Variants in DOCK5 observed in about 807,000 individuals in gnomAD.
DOCK5 encodes the protein dedicator of cytokinesis 5, also known as dedicator of cytokinesis protein 5.
A neutral mutation model predicts 251.8 loss-of-function variants in DOCK5; 142 were observed. That is an observed-to-expected ratio of 0.56 (90% CI 0.49 to 0.65). The LOEUF (loss-of-function observed/expected upper bound fraction) is 0.65. Ranked by LOEUF, DOCK5 falls within the 30% of genes least tolerant of loss-of-function variation. DOCK5 has a pLI of 0.00. For missense variants in DOCK5, 2,111 were observed against 2,312.3 expected (o/e 0.91, Z 1.79); for synonymous variants, 842 against 835.5 (o/e 1.01, Z -0.13).
intron 1 of DOCK5, among the ~76,000 whole-genome samples, chr8:25,207,006 A>G (rs1802017128): frequency 6.6e-6 from 1 of 152,194 alleles, no homozygotes; most frequent in African/African-American, 2.4e-5. Context: ...GTCCAGGTCT[A>G]AAACATCCCT....
At chr8:25,243,791 A>C (rs1803023559) in intron 2 of DOCK5, 34 bp downstream of exon 2, 1 of 1,601,322 alleles carries the variant, frequency 6.2e-7, no homozygotes, top group African/African-American at 1.3e-5. Context: ...AGATGAGGGC[A>C]AGGGAAAAAC....
intron 25 of DOCK5, 120 bp downstream of exon 25, chr8:25,342,627 G>A (rs1805981827): frequency 3.7e-6 from 2 of 543,114 alleles, no homozygotes; most frequent in Admixed American, 3.1e-5. Flanking sequence ...GCTGCTGCAT[G>A]CTGAGATGAC....
At chr8:25,250,830 G>A (rs1803249551) in intron 2 of DOCK5, among the ~76,000 whole-genome samples, 1 of 152,222 alleles carries the variant, frequency 6.6e-6, no homozygotes, top group African/African-American at 2.4e-5. Context: ...GATGGAGAGG[G>A]AGACGGAAGA....
intron 2 of DOCK5, among the ~76,000 whole-genome samples, chr8:25,262,734 A>G (rs759861835): frequency 2.6e-5 from 4 of 152,060 alleles, no homozygotes; most frequent in Admixed American, 6.6e-5. Flanking sequence ...ATTTCTTACT[A>G]TGGAAGATAA....
intron 1 of DOCK5, among the ~76,000 whole-genome samples, chr8:25,212,265 TAAC>T (rs1802130811): frequency 2.8e-5 from 2 of 70,680 alleles, no homozygotes; most frequent in East Asian, 3.1e-4. Context: ...TAGTCTTAAT[TAAC>T]AAGAGGATCA....
chr8:25,324,817 C>T (rs1377875539), intron 17 of DOCK5, among the ~76,000 whole-genome samples: 9 of 143,050 alleles, frequency 6.3e-5, no homozygotes, highest in African/African-American at 2.1e-4. Context: ...CCACAACAGG[C>T]CCTGGTGTGT....
intron 34 of DOCK5, among the ~76,000 whole-genome samples, chr8:25,372,055 G>A (rs550852310): frequency 1.3e-5 from 2 of 152,332 alleles, no homozygotes; most frequent in Admixed American, 6.5e-5. Context: ...TGCAGGAGAT[G>A]TACTAGGTTC....
intron 31 of DOCK5, among the ~76,000 whole-genome samples, chr8:25,367,556 T>G (rs1800798836): frequency 1.3e-5 from 2 of 152,230 alleles, no homozygotes; most frequent in Non-Finnish European, 2.9e-5. Context: ...GAAATTTTAG[T>G]TGTGTTCCCC....
At chr8:25,391,759 G>A (rs1801263166) in intron 42 of DOCK5, 137 bp from the exon 43 acceptor site, 1 of 569,290 alleles carries the variant, frequency 1.8e-6, no homozygotes, top group Admixed American at 3.6e-5. Flanking sequence ...GCCTTCATGT[G>A]GAGGCACTAT....
At chr8:25,247,523 G>T (rs1005720258) in intron 2 of DOCK5, among the ~76,000 whole-genome samples, 19 of 152,018 alleles carry the variant, frequency 1.2e-4, no homozygotes, top group African/African-American at 4.6e-4. Context: ...CTTGAGCCTG[G>T]GAGGCAGAGG....
chr8:25,236,649 T>C (rs1171714324), intron 1 of DOCK5, among the ~76,000 whole-genome samples: 1 of 152,134 alleles, frequency 6.6e-6, no homozygotes, highest in African/African-American at 2.4e-5. Flanking sequence ...GGTGCGATGC[T>C]GGCTCACTGC....
chr8:25,411,258 G>A lies in DOCK5; in HGVS notation c.5573G>A (p.Arg1858Gln), dbSNP rs769412029. The A allele has an allele frequency of 2.6e-5, 41 of 1,583,944 alleles. 1 individual carries two copies. The highest frequency in any genetic ancestry group is 2.0e-4 in the East Asian group (8 of 40,892). The stretch of plus-strand genomic sequence containing the variant: ...CCACCCCCTCCACCTCCAAAGGCTC[G>A]GAAGTCTGGCATCCCTACTTCCGAG... ...KAPPPPPPKA[R>Q]KSGIPTSEPG... The change falls in exon 52 of 52, where the codon CGG (arginine) becomes CAG (glutamine). Residue 1858 changes from arginine (R) to glutamine (Q), a missense_variant. Arg to Gln is a conservative substitution (Grantham distance 43). Around this residue, in one of 3 missense-constraint regions of DOCK5, gnomAD observed 1,717 missense variants for 1,892.4 expected, o/e 0.91. Coordinates refer to ENST00000276440, the MANE Select transcript of DOCK5 (RefSeq NM_024940.8).
intron 5 of DOCK5, among the ~76,000 whole-genome samples, chr8:25,291,464 C>G (rs1402767192): frequency 6.7e-6 from 1 of 148,396 alleles, no homozygotes; most frequent in Non-Finnish European, 1.5e-5. Flanking sequence ...GGGCAGATCA[C>G]TTGAGGTCAG....
At chr8:25,303,032 G>A (rs1056048164) in intron 10 of DOCK5, among the ~76,000 whole-genome samples, 11 of 152,200 alleles carry the variant, frequency 7.2e-5, no homozygotes, top group African/African-American at 2.6e-4. Flanking sequence ...GCCACTGAAC[G>A]GAATACTTTA....
chr8:25,289,929 G>T (rs1376663888), intron 5 of DOCK5, among the ~76,000 whole-genome samples: 1 of 152,130 alleles, frequency 6.6e-6, no homozygotes, highest in Non-Finnish European at 1.5e-5. Flanking sequence ...CATTTCAAAA[G>T]TGATACACAG....
chr8:25,346,128 G>C (rs950919516), intron 26 of DOCK5, among the ~76,000 whole-genome samples: 3 of 151,872 alleles, frequency 2.0e-5, no homozygotes, highest in Admixed American at 6.6e-5. Flanking sequence ...GGGATTACAG[G>C]CATGAGCCAT....
intron 40 of DOCK5, among the ~76,000 whole-genome samples, chr8:25,386,258 A>C (rs1224412458): frequency 6.6e-6 from 1 of 152,124 alleles, no homozygotes; most frequent in South Asian, 2.1e-4. Flanking sequence ...GTTGGGGATG[A>C]GGTGGACCAG....
At chr8:25,249,250 C>T (rs984659694) in intron 2 of DOCK5, among the ~76,000 whole-genome samples, 1 of 152,198 alleles carries the variant, frequency 6.6e-6, no homozygotes, top group African/African-American at 2.4e-5. Context: ...ATCCTTCCAC[C>T]TCGGCCTCCC....
intron 26 of DOCK5, among the ~76,000 whole-genome samples, chr8:25,348,265 C>T (rs1032806884): frequency 6.6e-6 from 1 of 152,068 alleles, no homozygotes; most frequent in Non-Finnish European, 1.5e-5. Flanking sequence ...TGGAATTGTC[C>T]TGGTTCTTTC....
Sources: allele counts gnomAD v4.1 joint callset (sites outside exome capture counted in the v4.1 genomes callset), GRCh38; gene constraint gnomAD v4.1.1; regional missense constraint gnomAD v4.1.1; transcripts MANE v1.5; gene names NCBI Gene and HGNC (gene_info 2026-07-23, HGNC 2026-07-21).